TBCD: variants seen among roughly 807,000 people sequenced by gnomAD.
The protein encoded by TBCD is tubulin-specific chaperone D.
Under a neutral mutation model 169.3 loss-of-function variants are expected in TBCD, and 105 were observed. That is an observed-to-expected ratio of 0.62 (90% CI 0.53 to 0.73). The LOEUF is 0.73. TBCD is among the 30% of genes least tolerant of loss of function. The pLI, the probability that TBCD is intolerant of heterozygous loss-of-function variation, is 0.00. For missense variants in TBCD, 1,444 were observed against 1,600.1 expected (o/e 0.90, Z 1.66); for synonymous variants, 700 against 643.9 (o/e 1.09, Z -1.32).
At chr17:82,758,661 C>CTTT (rs745351441) in intron 2 of TBCD, among the ~76,000 whole-genome samples, 41 of 94,606 alleles carry the variant, frequency 4.3e-4, no homozygotes, top group East Asian at 8.5e-4. Flanking sequence ...TTTTTTTTTT[C>CTTT]TTTTTTTTTT....
intron 13 of TBCD, among the ~76,000 whole-genome samples, chr17:82,818,817 A>G (rs990620897): frequency 3.3e-5 from 5 of 152,230 alleles, no homozygotes; most frequent in African/African-American, 1.2e-4. Flanking sequence ...CTATAATCCC[A>G]GCACTTTGGG....
intron 13 of TBCD, among the ~76,000 whole-genome samples, chr17:82,839,551 A>G (rs1319685564): frequency 1.3e-5 from 2 of 152,236 alleles, no homozygotes; most frequent in African/African-American, 4.8e-5. Context: ...ACCCTAATGT[A>G]CATACACCAC....
intron 13 of TBCD, among the ~76,000 whole-genome samples, chr17:82,836,905 C>G (rs556079801): frequency 6.6e-6 from 1 of 152,150 alleles, no homozygotes; most frequent in African/African-American, 2.4e-5. Context: ...AGTTAGTTCA[C>G]GTAAGCGGGT....
chr17:82,806,631 G>T lies in TBCD; in HGVS notation c.1087+620G>T, dbSNP rs1166569039. Among the ~76,000 whole-genome samples the T allele has an allele frequency of 1.3e-5, 2 of 152,064 alleles. No homozygotes were observed. The highest frequency in any genetic ancestry group is 6.5e-5 in the Admixed American group (1 of 15,274). On this transcript the variant is annotated intron_variant, in intron 10 of 38. Transcript: ENST00000355528. The surrounding 1 kb of genome is among the most constrained non-coding windows in gnomAD (Gnocchi z 5.1). ...TCCCTGTGAGGCCCCCATCCTCCCA[G>T]TATCTCCCAGCTTCCTGATGGGCAG...
chr17:82,907,566 TA>T (rs1350200994), intron 20 of TBCD, among the ~76,000 whole-genome samples, 194 bp from the exon 21 acceptor site: 16 of 152,262 alleles, frequency 1.1e-4, no homozygotes, highest in Admixed American at 9.8e-4. Flanking sequence ...AATACAAAAA[TA>T]ATCGGAGGTA....
chr17:82,851,459 T>C (rs2055781333), intron 13 of TBCD, among the ~76,000 whole-genome samples: 1 of 152,170 alleles, frequency 6.6e-6, no homozygotes, highest in Non-Finnish European at 1.5e-5. Flanking sequence ...TTTAAAAATG[T>C]TATCAATGAG....
chr17:82,830,554 G>A (rs1259520720), intron 13 of TBCD: 1 of 1,614,084 alleles, frequency 6.2e-7, no homozygotes, highest in South Asian at 1.1e-5. Flanking sequence ...AGAACCTTCT[G>A]TCCCAGTCTT....
intron 6 of TBCD, 95 bp from the exon 7 acceptor site, chr17:82,781,494 A>T (rs2048946511): frequency 6.8e-7 from 1 of 1,474,344 alleles, no homozygotes; most frequent in African/African-American, 1.6e-5. Flanking sequence ...GTGAGGTGGG[A>T]GGGCCTGGGG....
rs778041055 is a variant in TBCD at position 82,929,120 on chromosome 17, C to T, written c.2701C>T (p.Arg901Cys). The T allele has an allele frequency of 3.2e-5, 51 of 1,610,124 alleles. No individual in the cohort carries two copies. The highest frequency in any genetic ancestry group is 6.7e-5 in the African/African-American group (5 of 74,892). ...CCTGCTCTCGGTTTGCAGCTGTGAG[C>T]GCATCATGTGCTGTGTGGCCCAGCA... ...PELIEAHTCERIMCCVAQQAS... is the reference protein window; with the variant it reads ...PELIEAHTCECIMCCVAQQAS... Residue 901 changes from arginine to cysteine, a missense_variant, in exon 31 of 39, where the codon CGC (arginine) becomes TGC (cysteine). Transcript: ENST00000355528.
At chr17:82,792,223 G>C (rs1207223843) in intron 7 of TBCD, among the ~76,000 whole-genome samples, 1 of 151,782 alleles carries the variant, frequency 6.6e-6, no homozygotes, top group Non-Finnish European at 1.5e-5. Context: ...CAGGAGAATC[G>C]CTCGAACCCA....
intron 21 of TBCD, chr17:82,908,466 T>C (rs796465590): frequency 1.2e-5 from 5 of 431,612 alleles, no homozygotes; most frequent in African/African-American, 1.0e-4. Flanking sequence ...ATCTTGGTGT[T>C]ACAGGAGAAT....
chr17:82,905,118 T>TC (rs2060146388), intron 19 of TBCD, among the ~76,000 whole-genome samples: 2 of 152,166 alleles, frequency 1.3e-5, no homozygotes, highest in Middle Eastern at 3.2e-3. Flanking sequence ...AGTCTGTGCT[T>TC]TCTGAGCAAA....
chr17:82,937,250 A>C, intron 34 of TBCD, 21 bp from the exon 35 acceptor site: 2 of 1,612,040 alleles, frequency 1.2e-6, no homozygotes, highest in South Asian at 2.2e-5. Context: ...CTCATCTCTA[A>C]AGTGTGTGTT....
rs544378821 is a variant in TBCD at position 82,820,126 on chromosome 17, C to T, written c.1318+5192C>T. On this transcript the variant is annotated intron_variant, in intron 13 of 38. Coordinates refer to ENST00000355528, the MANE Select transcript of TBCD (RefSeq NM_005993.5). ...CCCGAGTAGCTGGGAGTCAGGCGCCCGCCACCATGCCCAGCCAATTTTTTT... is the reference window on the plus strand; with the variant it reads ...CCCGAGTAGCTGGGAGTCAGGCGCCTGCCACCATGCCCAGCCAATTTTTTT... Among the ~76,000 whole-genome samples the T allele has an allele frequency of 1.0e-3, 156 of 152,120 alleles. 1 individual carries two copies. Among genetic ancestry groups the T allele is most frequent in the East Asian group, 9.5e-3 (49 of 5,162 alleles).
At chr17:82,858,484 T>C (rs2056498912) in intron 13 of TBCD, 2 of 795,680 alleles carry the variant, frequency 2.5e-6, no homozygotes, top group African/African-American at 3.7e-5. Flanking sequence ...TTGGCCAGTC[T>C]GGCTGGGCAG....
At chr17:82,838,509 C>T (rs997733161) in intron 13 of TBCD, 28 of 388,678 alleles carry the variant, frequency 7.2e-5, no homozygotes, top group Non-Finnish European at 9.5e-5. Flanking sequence ...GCCTGCTCGG[C>T]TGGAGCATTG....
At chr17:82,871,242 C>T (rs915336714) in intron 14 of TBCD, among the ~76,000 whole-genome samples, 3 of 151,234 alleles carry the variant, frequency 2.0e-5, no homozygotes, top group Non-Finnish European at 2.9e-5. Context: ...AACATGTGTC[C>T]CCAGCGCAGG....
At chr17:82,878,311 G>A (rs1180109414) in intron 14 of TBCD, among the ~76,000 whole-genome samples, 1 of 152,226 alleles carries the variant, frequency 6.6e-6, no homozygotes, top group African/African-American at 2.4e-5. Context: ...CACCCCTTTA[G>A]GGTCCACAGT....
At chr17:82,926,234 T>C (rs996377702) in intron 27 of TBCD, among the ~76,000 whole-genome samples, 166 bp from the exon 28 acceptor site, 3 of 150,246 alleles carry the variant, frequency 2.0e-5, no homozygotes, top group African/African-American at 7.3e-5. Context: ...CCGGGTGTCC[T>C]TCCTGGGTTG....
Sources: gnomAD v4.1 joint callset for allele counts (sites outside exome capture counted in the v4.1 genomes callset) on GRCh38, gnomAD v4.1.1 for gene constraint, Gnocchi (gnomAD v3.1) non-coding constraint, MANE v1.5 for transcripts, NCBI Gene and HGNC (gene_info 2026-07-23, HGNC 2026-07-21) for gene names.